EML4: variants seen among roughly 807,000 people sequenced by gnomAD.
EML4 encodes EMAP like 4.
A neutral mutation model predicts 129.0 loss-of-function variants in EML4; 72 were observed. That is an observed-to-expected ratio of 0.56 (90% CI 0.46 to 0.68). The LOEUF (loss-of-function observed/expected upper bound fraction) is 0.68, where lower values mean the gene tolerates loss of function less well. Among genes scored for constraint, EML4 ranks in the 30% least tolerant of loss-of-function variants. The pLI is 0.00. For missense variants in EML4, 1,363 were observed against 1,190.6 expected (o/e 1.14, Z -2.13); for synonymous variants, 532 against 405.0 (o/e 1.31, Z -3.77).
intron 1 of EML4, among the ~76,000 whole-genome samples, chr2:42,189,641 G>A (rs929487679): frequency 1.3e-5 from 2 of 152,096 alleles, no homozygotes; most frequent in African/African-American, 2.4e-5. Context: ...AACAATCTTA[G>A]GAATTAGAAC....
Position 42,295,369 on chromosome 2 carries a change from GT to G in EML4, c.1354-9del. On this transcript the variant is annotated splice_polypyrimidine_tract_variant and intron_variant, in intron 12 of 22. Coordinates refer to ENST00000318522, the MANE Select transcript of EML4 (RefSeq NM_019063.5). Reference sequence around the variant, plus strand: ...AAAAAGAAAACTGAAAATTTTTATTGTTTCCTTGTAGAAATATGAAAAGCCA... The same window carrying G: ...AAAAAGAAAACTGAAAATTTTTATTGTTCCTTGTAGAAATATGAAAAGCCA... 6.2e-7 allele frequency: 1 copy of G among 1,604,670 alleles called. No homozygotes were observed. The highest frequency in any genetic ancestry group is 8.5e-7 in the Non-Finnish European group (1 of 1,177,716).
intron 1 of EML4, among the ~76,000 whole-genome samples, chr2:42,204,809 C>A (rs565250853): frequency 6.6e-6 from 1 of 152,230 alleles, no homozygotes; most frequent in Non-Finnish European, 1.5e-5. Context: ...GAAACTGTTA[C>A]AGCTAGAGTT....
chr2:42,328,417 A>G (rs1669925236), intron 21 of EML4, among the ~76,000 whole-genome samples: 1 of 152,248 alleles, frequency 6.6e-6, no homozygotes. Flanking sequence ...GCTTTCTAAA[A>G]GAAATAATCT....
At chr2:42,186,974 C>T (rs1671285694) in intron 1 of EML4, among the ~76,000 whole-genome samples, 1 of 147,942 alleles carries the variant, frequency 6.8e-6, no homozygotes, top group Admixed American at 6.9e-5. Flanking sequence ...TCTACATAGA[C>T]TCCAGTTCTT....
chr2:42,330,804 GCT>G lies in EML4; in HGVS notation c.*600_*601del, dbSNP rs1454048654. The G allele has an allele frequency of 1.8e-5, 4 of 218,462 alleles. No individual in the cohort carries two copies. The highest frequency in any genetic ancestry group is 3.7e-5 in the Non-Finnish European group (4 of 107,434). 13.5% of individuals were successfully genotyped at this position (218,462 alleles called of 1,614,324 possible). On this transcript the variant is annotated 3_prime_UTR_variant, in exon 23 of 23. Coordinates refer to ENST00000318522, the MANE Select transcript of EML4 (RefSeq NM_019063.5). ...ACACTACCAGTGGATGTCCAGACATGCTCTTAGTCTACTAGAGAGGTGCTGCC... is the reference window on the plus strand; with the variant it reads ...ACACTACCAGTGGATGTCCAGACATGCTTAGTCTACTAGAGAGGTGCTGCC...
Position 42,211,126 on chromosome 2 carries a change from C to G in EML4, c.26-34379C>G, listed in dbSNP as rs745805109. On this transcript the variant is annotated intron_variant, in intron 1 of 22. Coordinates refer to ENST00000318522, the MANE Select transcript of EML4 (RefSeq NM_019063.5). ...CATTGATTGAAATACCTATAATGTGCTTGGTGTACCTACCACAGTAGATAG... is the reference window on the plus strand; with the variant it reads ...CATTGATTGAAATACCTATAATGTGGTTGGTGTACCTACCACAGTAGATAG... Among the ~76,000 whole-genome samples, 10 of 152,180 alleles carry G rather than the reference C, an allele frequency of 6.6e-5. No homozygotes were observed. In the South Asian group the frequency reaches 1.0e-3, roughly 16 times the overall value.
intron 1 of EML4, among the ~76,000 whole-genome samples, chr2:42,186,367 T>C (rs967818891): frequency 1.3e-5 from 2 of 152,058 alleles, no homozygotes; most frequent in African/African-American, 2.4e-5. Flanking sequence ...TACTGTAAGG[T>C]AAATATTTTT....
intron 1 of EML4, among the ~76,000 whole-genome samples, chr2:42,224,173 A>G (rs1673800944): frequency 1.3e-5 from 2 of 152,148 alleles, no homozygotes; most frequent in Non-Finnish European, 2.9e-5. Context: ...TACCACAATA[A>G]GAAGAAATCC....
chr2:42,253,748 C>G (rs780982344), intron 2 of EML4, among the ~76,000 whole-genome samples: 2 of 152,088 alleles, frequency 1.3e-5, no homozygotes, highest in African/African-American at 2.4e-5. Context: ...ACAAAAATAC[C>G]TTGACTCTCA....
At position 42,210,537 on chromosome 2, in the gene EML4, C is replaced by G. The variant is rs184913292; in HGVS notation, c.26-34968C>G. ...TACTGTACTCTTTGGAAGGAAGTCACTATGCACAGCCCACACTTAAGAAGT... is the reference window on the plus strand; with the variant it reads ...TACTGTACTCTTTGGAAGGAAGTCAGTATGCACAGCCCACACTTAAGAAGT... On this transcript the variant is annotated intron_variant, in intron 1 of 22. Coordinates refer to ENST00000318522, the MANE Select transcript of EML4 (RefSeq NM_019063.5). Among the ~76,000 whole-genome samples, 328 of 152,308 alleles carry G rather than the reference C, an allele frequency of 2.2e-3. 1 individual carries two copies. The highest frequency in any genetic ancestry group is 3.4e-3 in the Non-Finnish European group (228 of 68,028).
intron 1 of EML4, among the ~76,000 whole-genome samples, chr2:42,234,749 G>C (rs1674553758): frequency 1.3e-5 from 2 of 152,210 alleles, no homozygotes; most frequent in African/African-American, 4.8e-5. Flanking sequence ...ATATAAAACA[G>C]CAGCTTTTAA....
chr2:42,255,148 C>T (rs4375914), intron 2 of EML4, among the ~76,000 whole-genome samples: 46,058 of 151,430 alleles, frequency 0.3, 7,814 homozygotes, highest in African/African-American at 0.46. Context: ...TGCAGTGGTG[C>T]GATCCCCACT....
At chr2:42,216,129 A>G (rs998743277) in intron 1 of EML4, among the ~76,000 whole-genome samples, 1 of 151,032 alleles carries the variant, frequency 6.6e-6, no homozygotes, top group Non-Finnish European at 1.5e-5. Flanking sequence ...CATGTTGGTC[A>G]GGCTGGTCTC....
chr2:42,214,486 A>G (rs1325336288), intron 1 of EML4, among the ~76,000 whole-genome samples: 1 of 152,148 alleles, frequency 6.6e-6, no homozygotes, highest in East Asian at 1.9e-4. Context: ...TGTATTGCTA[A>G]AAATGAAGGA....
intron 1 of EML4, among the ~76,000 whole-genome samples, chr2:42,180,290 C>T (rs1027579700): frequency 7.2e-5 from 11 of 152,182 alleles, no homozygotes; most frequent in African/African-American, 2.4e-4. Flanking sequence ...AGAAACATGT[C>T]TCTGGACCAG....
intron 1 of EML4, among the ~76,000 whole-genome samples, chr2:42,171,561 G>A (rs904954737): frequency 5.3e-5 from 8 of 152,128 alleles, no homozygotes; most frequent in Admixed American, 2.0e-4. Flanking sequence ...TGCAGTTGGG[G>A]CTCACACTTT....
intron 1 of EML4, among the ~76,000 whole-genome samples, chr2:42,212,715 G>A (rs996147929): frequency 1.3e-5 from 2 of 152,142 alleles, no homozygotes; most frequent in African/African-American, 4.8e-5. Flanking sequence ...TCCCCTTCAT[G>A]CATTTCTATA....
At chr2:42,242,069 C>G (rs948025163) in intron 1 of EML4, among the ~76,000 whole-genome samples, 7 of 152,082 alleles carry the variant, frequency 4.6e-5, no homozygotes, top group Admixed American at 1.3e-4. Context: ...ACACCTTAGT[C>G]ATTTTTTAAA....
intron 1 of EML4, 135 bp from the exon 2 acceptor site, chr2:42,245,370 A>G: frequency 1.3e-6 from 1 of 758,234 alleles, no homozygotes; most frequent in Non-Finnish European, 2.1e-6. Flanking sequence ...TTCTGGAAGT[A>G]CAGGCACGAG....
Sources: allele counts gnomAD v4.1 joint callset (sites outside exome capture counted in the v4.1 genomes callset), GRCh38; gene constraint gnomAD v4.1.1; transcripts MANE v1.5; gene names NCBI Gene and HGNC (gene_info 2026-07-23, HGNC 2026-07-21).